The following NCOA3 variants were observed in gnomAD, a reference collection of about 807,000 sequenced individuals.
NCOA3 encodes CBP-interacting protein.
NCOA3 carries 51 observed loss-of-function variants against 158.8 expected under a neutral mutation model. The ratio of observed to expected loss-of-function variants is 0.32; its 90% confidence interval spans 0.26 to 0.41. The LOEUF is 0.41. NCOA3 is among the 10% of genes least tolerant of loss of function. The probability of loss-of-function intolerance (pLI) is 1.00; values close to 1 mark genes in which losing one functional copy is unlikely to be tolerated. For missense variants in NCOA3, 1,510 were observed against 1,746.6 expected (o/e 0.86, Z 2.41); for synonymous variants, 537 against 592.4 (o/e 0.91, Z 1.36).
chr20:47,569,545 A>G (rs770099548), intron 1 of NCOA3, among the ~76,000 whole-genome samples: 44 of 149,678 alleles, frequency 2.9e-4, no homozygotes, highest in Admixed American at 4.7e-4. Flanking sequence ...TGAGCCAGAC[A>G]TGGTGGAGGC....
intron 1 of NCOA3, among the ~76,000 whole-genome samples, chr20:47,570,945 C>T (rs867685516): frequency 0.035 from 4,456 of 126,858 alleles, 126 homozygotes; most frequent in Middle Eastern, 0.093. Flanking sequence ...TATATACACA[C>T]ACACACACAC....
At chr20:47,505,497 A>G (rs916205207) in intron 1 of NCOA3, among the ~76,000 whole-genome samples, 3 of 152,162 alleles carry the variant, frequency 2.0e-5, no homozygotes, top group Non-Finnish European at 4.4e-5. Flanking sequence ...ATTTGTCACA[A>G]TTTAATACAG....
chr20:47,514,061 A>G (rs2084190631), intron 1 of NCOA3, among the ~76,000 whole-genome samples: 1 of 152,184 alleles, frequency 6.6e-6, no homozygotes, highest in South Asian at 2.1e-4. Context: ...ATACCCTCTG[A>G]TAACTTTTAA....
In NCOA3 at chr20:47,550,170, C is replaced by T. The variant is rs1443029790; in HGVS notation, c.-98-33013C>T. Among the ~76,000 whole-genome samples the T allele has an allele frequency of 5.3e-5, 8 of 149,830 alleles. No individual in the cohort carries two copies. In the East Asian group the frequency reaches 9.8e-4, roughly 18 times the overall value. ...TTTTTAAAAGGGTTTGAAGTCCAGG[C>T]GCGGTGGCTCACACCTGTAATCCCG... On this transcript the variant is annotated intron_variant, in intron 1 of 22. Transcript: ENST00000371998.
intron 2 of NCOA3, among the ~76,000 whole-genome samples, chr20:47,620,166 G>A (rs2086214379): frequency 6.6e-6 from 1 of 152,166 alleles, no homozygotes; most frequent in Non-Finnish European, 1.5e-5. Context: ...AGTCTGGAGT[G>A]CATTGGCGTG....
intron 1 of NCOA3, among the ~76,000 whole-genome samples, chr20:47,565,965 C>G (rs966916968): frequency 6.6e-6 from 1 of 152,156 alleles, no homozygotes; most frequent in Non-Finnish European, 1.5e-5. Flanking sequence ...ATTCCCTCTC[C>G]CACCATTTAA....
chr20:47,627,268 G>T (rs1045381020), intron 6 of NCOA3, 92 bp downstream of exon 6: 17 of 1,057,504 alleles, frequency 1.6e-5, no homozygotes, highest in Non-Finnish European at 1.9e-5. Flanking sequence ...GAAGTCAAGC[G>T]ATCAAATGAG....
chr20:47,534,001 A>T (rs1467659627), intron 1 of NCOA3, among the ~76,000 whole-genome samples: 1 of 146,926 alleles, frequency 6.8e-6, no homozygotes, highest in Admixed American at 7.1e-5. Context: ...AGAGTAATCC[A>T]TGTTGGTTTA....
chr20:47,634,257 T>A, intron 10 of NCOA3, 62 bp downstream of exon 10: 1 of 1,500,716 alleles, frequency 6.7e-7, no homozygotes, highest in Admixed American at 2.0e-5. Context: ...AATGCTTTAT[T>A]ATTAAAGTAA....
In NCOA3 at chr20:47,635,537, C is replaced by T. The variant is rs761083841; in HGVS notation, c.1328C>T (p.Thr443Ile). The T allele has an allele frequency of 1.9e-6, 3 of 1,614,082 alleles. No individual in the cohort carries two copies. Among genetic ancestry groups the T allele is most frequent in the East Asian group, 2.2e-5 (1 of 44,852 alleles). Residue 443 changes from threonine (T) to isoleucine (I), a missense_variant, in exon 11 of 23, where the codon ACC becomes ATC. Thr to Ile is a moderately conservative substitution (Grantham distance 89). Transcript: ENST00000371998. Reference sequence around the variant, plus strand: ...GGTTCCAGTAACATAGCTTCATTGACCCCTGGGCCAGGCATGCAATCACCA... The same window carrying T: ...GGTTCCAGTAACATAGCTTCATTGATCCCTGGGCCAGGCATGCAATCACCA... ...YGGSSNIASLTPGPGMQSPSS... is the reference protein window; with the variant it reads ...YGGSSNIASLIPGPGMQSPSS...
chr20:47,506,850 A>G (rs1003967413), intron 1 of NCOA3, among the ~76,000 whole-genome samples: 1 of 152,086 alleles, frequency 6.6e-6, no homozygotes, highest in African/African-American at 2.4e-5. Flanking sequence ...TATTCCTATG[A>G]AAAGGTATTC....
At chr20:47,641,328 T>TC (rs1265204192) in intron 16 of NCOA3, among the ~76,000 whole-genome samples, 15 of 142,750 alleles carry the variant, frequency 1.1e-4, no homozygotes, top group South Asian at 2.4e-4. Flanking sequence ...ACATTTCTTT[T>TC]TTTTTTTTTT....
chr20:47,622,555 A>AT (rs1568733062), intron 3 of NCOA3, among the ~76,000 whole-genome samples: 1 of 152,114 alleles, frequency 6.6e-6, no homozygotes, highest in Non-Finnish European at 1.5e-5. Flanking sequence ...TCGCGGTACT[A>AT]TAAGAATTTC....
At chr20:47,604,009 C>T (rs1261386341) in intron 2 of NCOA3, among the ~76,000 whole-genome samples, 1 of 152,152 alleles carries the variant, frequency 6.6e-6, no homozygotes, top group Non-Finnish European at 1.5e-5. Flanking sequence ...TCCCTGTCTC[C>T]TGTCTGTATC....
chr20:47,612,186 G>A lies in NCOA3; in HGVS notation c.-19-10043G>A, dbSNP rs1027317625. 3.9e-5 allele frequency among the ~76,000 whole-genome samples: 6 copies of A among 152,150 alleles called. No homozygotes were observed. The South Asian group carries it at 8.3e-4, about 21-fold the overall frequency. On this transcript the variant is annotated intron_variant, in intron 2 of 22. Transcript: ENST00000371998. Reference sequence around the variant, plus strand: ...CTTCTCTGTATTTTAAGAAGATGTGGAGTTGGTCAAAAGTACAGCTGATGG... The same window carrying A: ...CTTCTCTGTATTTTAAGAAGATGTGAAGTTGGTCAAAAGTACAGCTGATGG...
chr20:47,542,011 T>TTTTTTGC (rs1568667695), intron 1 of NCOA3, among the ~76,000 whole-genome samples: 1 of 104,830 alleles, frequency 9.5e-6, no homozygotes, highest in African/African-American at 3.7e-5. Context: ...CCTGTAGAGT[T>TTTTTTGC]TTTTTTTTTT....
chr20:47,652,666 G>C lies in NCOA3; in HGVS notation c.4121+86G>C, dbSNP rs1366717795. ...TGTATTTTTCAGTCAAGCCTTTTTGGATGGAGAGGTTGAAAGGACTGGGTT... is the reference window on the plus strand; with the variant it reads ...TGTATTTTTCAGTCAAGCCTTTTTGCATGGAGAGGTTGAAAGGACTGGGTT... On this transcript the variant is annotated intron_variant, in intron 21 of 22. Coordinates refer to ENST00000371998, the MANE Select transcript of NCOA3 (RefSeq NM_181659.3). 4 of 1,335,160 alleles carry C rather than the reference G, an allele frequency of 3.0e-6. No homozygotes were observed. In the East Asian group the frequency reaches 7.4e-5, roughly 25 times the overall value. 82.7% of individuals were successfully genotyped at this position (1,335,160 alleles called of 1,614,324 possible).
intron 1 of NCOA3, among the ~76,000 whole-genome samples, chr20:47,523,282 G>T (rs1602341641): frequency 6.6e-6 from 1 of 152,120 alleles, no homozygotes; most frequent in Non-Finnish European, 1.5e-5. Flanking sequence ...GGGGGTTTTG[G>T]GCGATGACTC....
chr20:47,549,453 G>A (rs1365128259), intron 1 of NCOA3, among the ~76,000 whole-genome samples: 4 of 151,330 alleles, frequency 2.6e-5, no homozygotes, highest in Admixed American at 6.6e-5. Flanking sequence ...CCAGCTACCC[G>A]GAAGGCTGAG....
Sources: gnomAD v4.1 joint callset for allele counts (sites outside exome capture counted in the v4.1 genomes callset) on GRCh38, gnomAD v4.1.1 for gene constraint, MANE v1.5 for transcripts, NCBI Gene and HGNC (gene_info 2026-07-23, HGNC 2026-07-21) for gene names.